Variants in IGF1R observed in about 807,000 individuals in gnomAD.
The protein encoded by IGF1R is insulin like growth factor 1 receptor, also known as insulin-like growth factor 1 receptor.
Under a neutral mutation model 144.6 loss-of-function variants are expected in IGF1R, and 44 were observed. That is an observed-to-expected ratio of 0.30 (90% CI 0.24 to 0.39). IGF1R has a LOEUF of 0.39. Ranked by LOEUF, IGF1R falls within the 10% of genes least tolerant of loss-of-function variation. The pLI is 1.00. For synonymous variants in IGF1R, 795 were observed against 722.8 expected (o/e 1.10, Z -1.60); for missense variants, 1,355 against 1,833.7 (o/e 0.74, Z 4.77).
intron 13 of IGF1R, among the ~76,000 whole-genome samples, chr15:98,925,695 G>C (rs550948599): frequency 7.5e-4 from 114 of 152,372 alleles, no homozygotes; most frequent in African/African-American, 2.6e-3. Context: ...TTGAGGTCAG[G>C]AGTTTGAGAC....
chr15:98,651,087 T>A, intron 1 of IGF1R: 1 of 984,524 alleles, frequency 1.0e-6, no homozygotes, highest in African/African-American at 1.7e-5. Context: ...TGTTGGTGAG[T>A]AATGGTTGCC....
intron 2 of IGF1R, among the ~76,000 whole-genome samples, chr15:98,811,708 C>T (rs1296282288): frequency 6.6e-6 from 1 of 151,980 alleles, no homozygotes; most frequent in African/African-American, 2.4e-5. Flanking sequence ...GGGCGGATCA[C>T]GAGGTCAGGA....
intron 2 of IGF1R, among the ~76,000 whole-genome samples, chr15:98,773,012 A>C (rs534049215): frequency 5.0e-4 from 76 of 152,326 alleles, no homozygotes; most frequent in African/African-American, 1.8e-3. Context: ...GCATCTTACC[A>C]CATATTTGCA....
chr15:98,899,180 A>G (rs974414528), intron 4 of IGF1R, among the ~76,000 whole-genome samples: 1 of 152,228 alleles, frequency 6.6e-6, no homozygotes, highest in Non-Finnish European at 1.5e-5. Context: ...CGTCAGCCTT[A>G]GCTAATTGGC....
At chr15:98,915,105 CTTTGAAAAACCATCAACATTGATGCT>C (rs2015186660) in intron 8 of IGF1R, among the ~76,000 whole-genome samples, 1 of 152,168 alleles carries the variant, frequency 6.6e-6, no homozygotes, top group Admixed American at 6.5e-5. Context: ...GTCTCCTGTG[CTTTGAAAAACCATCAACATTGATGCT>C]TTTTTGTGAC....
intron 1 of IGF1R, among the ~76,000 whole-genome samples, chr15:98,671,556 C>T (rs1487411749): frequency 6.6e-6 from 1 of 152,184 alleles, no homozygotes; most frequent in South Asian, 2.1e-4. Context: ...TATCCTGGCC[C>T]TTCTCTTTTC....
rs571152585 is a variant in IGF1R, at chr15:98,649,398, C to A, written c.-184C>A. 3.5e-4 allele frequency: 124 copies of A among 349,444 alleles called. No individual in the cohort carries two copies. The highest frequency in any genetic ancestry group is 5.3e-4 in the Non-Finnish European group (105 of 199,520). 21.6% of individuals were successfully genotyped at this position (349,444 alleles called of 1,614,324 possible). The stretch of plus-strand genomic sequence containing the variant: ...GCCGCCCCGCGCCGCCCGCCCCGTC[C>A]GCGCACCCGGAGGGCCCCGGCGGCG... On this transcript the variant is annotated 5_prime_UTR_variant, in exon 1 of 21. Transcript: ENST00000650285.
intron 2 of IGF1R, among the ~76,000 whole-genome samples, chr15:98,786,899 A>T (rs903989484): frequency 2.0e-5 from 3 of 152,166 alleles, no homozygotes; most frequent in African/African-American, 7.2e-5. Context: ...TTCTCAAGTC[A>T]TGGAGAATTG....
At chr15:98,788,097 T>C in intron 2 of IGF1R, among the ~76,000 whole-genome samples, 1 of 150,194 alleles carries the variant, frequency 6.7e-6, no homozygotes, top group Admixed American at 6.6e-5. Context: ...TGTGTGTAAA[T>C]AGTGATTTCT....
intron 2 of IGF1R, among the ~76,000 whole-genome samples, chr15:98,817,276 T>G (rs969610674): frequency 2.6e-5 from 4 of 151,242 alleles, no homozygotes; most frequent in Non-Finnish European, 5.9e-5. Flanking sequence ...CACTCCAGAC[T>G]GGGCAGCAGA....
At chr15:98,821,203 T>G (rs74641994) in intron 2 of IGF1R, among the ~76,000 whole-genome samples, 3 of 152,138 alleles carry the variant, frequency 2.0e-5, no homozygotes, top group African/African-American at 7.2e-5. Context: ...CGCGCTACAT[T>G]GCGCTAAATG....
At chr15:98,682,977 A>C (rs2053229281) in intron 1 of IGF1R, among the ~76,000 whole-genome samples, 1 of 145,890 alleles carries the variant, frequency 6.9e-6, no homozygotes. Context: ...GAGTTGATGA[A>C]CCCCTCATAT....
At chr15:98,885,302 G>C (rs1345578711) in intron 2 of IGF1R, among the ~76,000 whole-genome samples, 1 of 152,170 alleles carries the variant, frequency 6.6e-6, no homozygotes, top group Admixed American at 6.5e-5. Context: ...GTCCTTTCTG[G>C]AGAAGAATGC....
At chr15:98,794,464 AC>A (rs1255728571) in intron 2 of IGF1R, among the ~76,000 whole-genome samples, 1 of 152,130 alleles carries the variant, frequency 6.6e-6, no homozygotes, top group Non-Finnish European at 1.5e-5. Context: ...GAGGAGGAAA[AC>A]TGCGCCTTCC....
chr15:98,707,995 G>A lies in IGF1R; in HGVS notation c.528G>A (p.Lys176=). 1 of 1,614,128 alleles carries A rather than the reference G, an allele frequency of 6.2e-7. No homozygotes were observed. The highest frequency in any genetic ancestry group is 8.5e-7 in the Non-Finnish European group (1 of 1,179,964). Reference sequence around the variant, plus strand: ...ACATTGTGGGGAATAAGCCCCCAAAGGAATGTGGGGACCTGTGTCCAGGGA... The same window carrying A: ...ACATTGTGGGGAATAAGCCCCCAAAAGAATGTGGGGACCTGTGTCCAGGGA... ...NNYIVGNKPP[K]ECGDLCPGTM... The change falls in exon 2 of 21, where the codon AAG becomes AAA. Residue 176 remains lysine, a synonymous_variant. Coordinates refer to ENST00000650285, the MANE Select transcript of IGF1R (RefSeq NM_000875.5). The surrounding 1 kb of genome is among the most constrained non-coding windows in gnomAD (Gnocchi z 6.7).
intron 2 of IGF1R, among the ~76,000 whole-genome samples, chr15:98,726,257 T>C (rs560573865): frequency 6.6e-6 from 1 of 152,342 alleles, no homozygotes; most frequent in African/African-American, 2.4e-5. Context: ...AATCCAGACC[T>C]GCTTTCCTAT....
At chr15:98,883,761 A>T (rs1179280471) in intron 2 of IGF1R, among the ~76,000 whole-genome samples, 1 of 152,174 alleles carries the variant, frequency 6.6e-6, no homozygotes, top group Non-Finnish European at 1.5e-5. Context: ...GAAAATAAAG[A>T]TACCCTTTCT....
chr15:98,698,313 A>C (rs1340901341), intron 1 of IGF1R, among the ~76,000 whole-genome samples: 5 of 152,216 alleles, frequency 3.3e-5, no homozygotes, highest in African/African-American at 4.8e-5. Context: ...CTGGGATCAC[A>C]GGTGTGAGCC....
At chr15:98,866,081 T>G (rs900896864) in intron 2 of IGF1R, among the ~76,000 whole-genome samples, 41 of 152,344 alleles carry the variant, frequency 2.7e-4, no homozygotes, top group African/African-American at 9.1e-4. Context: ...CAAATGTGTT[T>G]GCAAAAGAAA....
Sources: gnomAD v4.1 joint callset for allele counts (sites outside exome capture counted in the v4.1 genomes callset) on GRCh38, gnomAD v4.1.1 for gene constraint, Gnocchi (gnomAD v3.1) non-coding constraint, MANE v1.5 for transcripts, NCBI Gene and HGNC (gene_info 2026-07-23, HGNC 2026-07-21) for gene names.